The following GTF2F2 variants were observed in gnomAD, a reference collection of about 807,000 sequenced individuals.
GTF2F2 encodes general transcription factor IIF subunit 2.
GTF2F2 carries 23 observed loss-of-function variants against 42.2 expected under a neutral mutation model. The observed-to-expected ratio is 0.55, with a 90% CI of 0.39 to 0.77. The LOEUF (loss-of-function observed/expected upper bound fraction) is 0.77. Among genes scored for constraint, GTF2F2 ranks in the 30% least tolerant of loss-of-function variants. GTF2F2 has a pLI of 0.00. For synonymous variants in GTF2F2, 105 were observed against 100.8 expected (o/e 1.04, Z -0.25); for missense variants, 261 against 287.2 (o/e 0.91, Z 0.66).
At chr13:45,181,598 A>G (rs1223977845) in intron 4 of GTF2F2, among the ~76,000 whole-genome samples, 1 of 152,194 alleles carries the variant, frequency 6.6e-6, no homozygotes, top group African/African-American at 2.4e-5. Flanking sequence ...TGTATTTAGA[A>G]GTAAATATAA....
At chr13:45,207,375 T>C (rs1260624924) in intron 4 of GTF2F2, 49 bp from the exon 5 acceptor site, 1 of 1,116,914 alleles carries the variant, frequency 9.0e-7, no homozygotes, top group Non-Finnish European at 1.4e-6. Context: ...AAATACAGTC[T>C]TGAAAATGAT....
chr13:45,205,383 C>T (rs1873371689), intron 4 of GTF2F2, among the ~76,000 whole-genome samples: 2 of 152,180 alleles, frequency 1.3e-5, no homozygotes. Flanking sequence ...CCTCCCTTGA[C>T]ACGTGGGGAT....
chr13:45,251,259 A>G (rs1875865061), intron 5 of GTF2F2, among the ~76,000 whole-genome samples: 1 of 152,234 alleles, frequency 6.6e-6, no homozygotes, highest in African/African-American at 2.4e-5. Context: ...GGAATGTTAT[A>G]CAGACACCTT....
At chr13:45,220,320 A>G (rs1874055493) in intron 5 of GTF2F2, among the ~76,000 whole-genome samples, 1 of 152,234 alleles carries the variant, frequency 6.6e-6, no homozygotes, top group African/African-American at 2.4e-5. Flanking sequence ...TTTACTGAGC[A>G]TCTAGTGTAT....
At chr13:45,201,629 G>A (rs371522249) in intron 4 of GTF2F2, among the ~76,000 whole-genome samples, 2 of 151,954 alleles carry the variant, frequency 1.3e-5, no homozygotes, top group African/African-American at 4.8e-5. Context: ...ATTTTCTCTC[G>A]AGTTTTTTCT....
intron 4 of GTF2F2, among the ~76,000 whole-genome samples, chr13:45,168,821 TTC>T (rs1871434737): frequency 7.8e-6 from 1 of 128,778 alleles, no homozygotes; most frequent in African/African-American, 3.5e-5. Flanking sequence ...CCTTCCTTCC[TTC>T]CTTCCCTCCC....
intron 1 of GTF2F2, among the ~76,000 whole-genome samples, chr13:45,126,245 CTTTTTTT>C (rs11383296): frequency 0.01 from 1,043 of 100,662 alleles, 18 homozygotes; most frequent in African/African-American, 0.043. Context: ...GGAAGAACGA[CTTTTTTT>C]TTTTTTTTTT....
intron 5 of GTF2F2, among the ~76,000 whole-genome samples, chr13:45,226,479 A>G (rs1357314781): frequency 6.6e-6 from 1 of 152,116 alleles, no homozygotes; most frequent in Non-Finnish European, 1.5e-5. Flanking sequence ...AGTTTTTTCC[A>G]TTCTGTCATT....
At chr13:45,151,540 G>C (rs1403031852) in intron 3 of GTF2F2, 147 bp from the exon 4 acceptor site, 1 of 510,982 alleles carries the variant, frequency 2.0e-6, no homozygotes, top group Non-Finnish European at 3.4e-6. Flanking sequence ...CTCTTTTTAT[G>C]ACCAAGTATT....
chr13:45,166,598 C>A (rs1430444804), intron 4 of GTF2F2, among the ~76,000 whole-genome samples: 2 of 152,150 alleles, frequency 1.3e-5, no homozygotes, highest in African/African-American at 4.8e-5. Context: ...AGTTAACAAG[C>A]AGATGAGTTT....
chr13:45,239,456 TTTC>T (rs1288204662), intron 5 of GTF2F2, among the ~76,000 whole-genome samples: 13 of 152,204 alleles, frequency 8.5e-5, no homozygotes, highest in African/African-American at 3.1e-4. Context: ...TCTTACAGTG[TTTC>T]TTTGAAAAAC....
At chr13:45,185,422 T>C (rs1164633629) in intron 4 of GTF2F2, among the ~76,000 whole-genome samples, 1 of 151,576 alleles carries the variant, frequency 6.6e-6, no homozygotes, top group Non-Finnish European at 1.5e-5. Context: ...ACTTATAATA[T>C]GTTGTAAACT....
At chr13:45,144,567 G>A (rs567231986) in intron 2 of GTF2F2, among the ~76,000 whole-genome samples, 4 of 143,788 alleles carry the variant, frequency 2.8e-5, no homozygotes, top group South Asian at 2.3e-4. Context: ...TCAGCCTCCC[G>A]AGTAGCTGGG....
chr13:45,221,919 A>AT (rs1011071877), intron 5 of GTF2F2, among the ~76,000 whole-genome samples: 2 of 152,070 alleles, frequency 1.3e-5, no homozygotes, highest in Non-Finnish European at 2.9e-5. Flanking sequence ...GTCTAAACAC[A>AT]TATCTTTCAT....
chr13:45,280,030 T>C (rs1259486576), intron 7 of GTF2F2, among the ~76,000 whole-genome samples: 1 of 152,038 alleles, frequency 6.6e-6, no homozygotes, highest in East Asian at 1.9e-4. Flanking sequence ...AATGTAAATC[T>C]AAGGTAAGGC....
intron 7 of GTF2F2, among the ~76,000 whole-genome samples, chr13:45,273,267 G>C (rs774892647): frequency 3.3e-5 from 5 of 151,810 alleles, no homozygotes; most frequent in Non-Finnish European, 7.4e-5. Flanking sequence ...GTGGAGACAG[G>C]ATCTTACTAT....
chr13:45,209,776 G>A (rs563961434), intron 5 of GTF2F2, among the ~76,000 whole-genome samples: 14 of 152,166 alleles, frequency 9.2e-5, no homozygotes, highest in African/African-American at 1.7e-4. Context: ...GATCTTTCCC[G>A]CAAAACCCGC....
chr13:45,191,104 G>T (rs1014359724), intron 4 of GTF2F2, among the ~76,000 whole-genome samples: 1 of 150,188 alleles, frequency 6.7e-6, no homozygotes, highest in Non-Finnish European at 1.5e-5. Flanking sequence ...GGGCGCAGTG[G>T]CTCACGCCTG....
chr13:45,179,641 CAA>C (rs995074560), intron 4 of GTF2F2, among the ~76,000 whole-genome samples: 1 of 152,282 alleles, frequency 6.6e-6, no homozygotes. Flanking sequence ...GCTGTCTAAA[CAA>C]AGAGTCTCAT....
Sources: allele counts gnomAD v4.1 joint callset (sites outside exome capture counted in the v4.1 genomes callset), GRCh38; gene constraint gnomAD v4.1.1; transcripts MANE v1.5; gene names NCBI Gene and HGNC (gene_info 2026-07-23, HGNC 2026-07-21).